Variants in NFIB observed in about 807,000 individuals in gnomAD.
NFIB encodes the protein nuclear factor I B.
A neutral mutation model predicts 61.5 loss-of-function variants in NFIB; 11 were observed. The observed-to-expected ratio is 0.18, with a 90% CI of 0.11 to 0.30. NFIB has a LOEUF of 0.30. Ranked by LOEUF, NFIB falls within the 10% of genes least tolerant of loss-of-function variation. The probability of loss-of-function intolerance (pLI) is 1.00; values close to 1 mark genes in which losing one functional copy is unlikely to be tolerated. For synonymous variants in NFIB, 260 were observed against 216.5 expected (o/e 1.20, Z -1.76); for missense variants, 471 against 608.9 (o/e 0.77, Z 2.38).
chr9:14,381,379 C>T (rs1191359797), intron 1 of NFIB, among the ~76,000 whole-genome samples: 8 of 151,816 alleles, frequency 5.3e-5, no homozygotes, highest in African/African-American at 1.5e-4. Flanking sequence ...TTTGTAGAGA[C>T]GGGGTTTTAC....
At chr9:14,099,148 T>C (rs1249735311) in intron 10 of NFIB, among the ~76,000 whole-genome samples, 1 of 152,166 alleles carries the variant, frequency 6.6e-6, no homozygotes, top group Non-Finnish European at 1.5e-5. Flanking sequence ...CAACAATCAA[T>C]CAAAATAAAG....
chr9:14,230,973 G>C (rs1049684938), intron 2 of NFIB, among the ~76,000 whole-genome samples: 3 of 122,564 alleles, frequency 2.4e-5, no homozygotes, highest in African/African-American at 7.7e-5. Context: ...AAAGGCAAAG[G>C]GGGAGCGGAG....
At chr9:14,179,657 T>C in intron 3 of NFIB, 70 bp downstream of exon 3, 1 of 1,545,484 alleles carries the variant, frequency 6.5e-7, no homozygotes, top group Non-Finnish European at 8.9e-7. Flanking sequence ...TTATGGGGTG[T>C]TTATCTATAC....
the NFIB span, among the ~76,000 whole-genome samples, chr9:14,426,291 C>A: frequency 0.7 from 106,473 of 152,056 alleles, 37,694 homozygotes; most frequent in East Asian, 0.82. Flanking sequence ...CCACTGTGAG[C>A]TCTACAGGCC....
At chr9:14,193,434 G>A (rs549237959) in intron 2 of NFIB, among the ~76,000 whole-genome samples, 33 of 152,212 alleles carry the variant, frequency 2.2e-4, no homozygotes, top group African/African-American at 7.7e-4. Flanking sequence ...ACAGTCTCAT[G>A]GGGATAATCA....
intron 2 of NFIB, among the ~76,000 whole-genome samples, chr9:14,192,749 T>G (rs2048085009): frequency 1.3e-5 from 2 of 152,156 alleles, no homozygotes; most frequent in Admixed American, 6.5e-5. Flanking sequence ...TGTAGTAGAT[T>G]CCTACTGATG....
intron 2 of NFIB, among the ~76,000 whole-genome samples, chr9:14,198,988 T>C (rs2048737510): frequency 6.6e-6 from 1 of 152,144 alleles, no homozygotes; most frequent in Non-Finnish European, 1.5e-5. Flanking sequence ...CTGAACTCTA[T>C]CACACTTCAC....
chr9:14,354,870 G>A (rs1173480275), intron 1 of NFIB, among the ~76,000 whole-genome samples: 1 of 151,232 alleles, frequency 6.6e-6, no homozygotes, highest in East Asian at 1.9e-4. Flanking sequence ...TAGCTTTACA[G>A]ATGTGAAGGG....
chr9:14,334,237 T>C lies in NFIB; in HGVS notation c.109-26717A>G, dbSNP rs149404778. Among the ~76,000 whole-genome samples the C allele has an allele frequency of 3.5e-3, 532 of 152,302 alleles. 2 individuals are homozygous for C. The highest frequency in any genetic ancestry group is 0.012 in the African/African-American group (509 of 41,554). The stretch of plus-strand genomic sequence containing the variant: ...TTCTTTTGGGGTATAAGCCTATGAG[T>C]AGAATTTCTCAGTTATAAAGTATGC... On this transcript the variant is annotated intron_variant, in intron 1 of 8. Transcript: ENST00000380934.
chr9:14,296,300 G>A (rs1158413919), intron 2 of NFIB, among the ~76,000 whole-genome samples: 1 of 152,172 alleles, frequency 6.6e-6, no homozygotes, highest in African/African-American at 2.4e-5. Flanking sequence ...AGTGAAGTAG[G>A]CATTTTAATC....
chr9:14,438,621 T>C, the NFIB span, among the ~76,000 whole-genome samples: 1 of 152,112 alleles, frequency 6.6e-6, no homozygotes, highest in Admixed American at 6.5e-5. Context: ...TTTTTTTGCC[T>C]GAAGGCACCA....
chr9:14,191,411 A>C (rs940853151), intron 2 of NFIB, among the ~76,000 whole-genome samples: 15 of 152,168 alleles, frequency 9.9e-5, no homozygotes, highest in Admixed American at 6.5e-4. Flanking sequence ...CATGAAATCT[A>C]CTACTCATCA....
In NFIB at chr9:14,160,831, C is replaced by CAAAA. The variant is rs36063048; in HGVS notation, c.617-4942_617-4939dup. On this transcript the variant is annotated intron_variant, in intron 3 of 10. Coordinates refer to ENST00000380953, the MANE Select transcript of NFIB (RefSeq NM_001190737.2). ...AATTCTTGCTTTGTGAAGGAAATCT[C>CAAAA]AAAAAAAAAAAAAAAAAAAACAGAA... Among the ~76,000 whole-genome samples, 812 of 96,042 alleles carry CAAAA rather than the reference C, an allele frequency of 8.5e-3. 10 individuals are homozygous for CAAAA. The highest frequency in any genetic ancestry group is 0.013 in the Middle Eastern group (2 of 160). 63.0% of individuals were successfully genotyped at this position (96,042 alleles called of 152,430 possible).
At chr9:14,277,344 G>GAC (rs33999296) in intron 2 of NFIB, among the ~76,000 whole-genome samples, 126,798 of 149,316 alleles carry the variant, frequency 0.85, 53,993 homozygotes, top group Non-Finnish European at 0.89. Context: ...CGCACACACA[G>GAC]ACACACACAC....
At chr9:14,354,521 G>A (rs2061152731) in intron 1 of NFIB, among the ~76,000 whole-genome samples, 1 of 152,130 alleles carries the variant, frequency 6.6e-6, no homozygotes, top group Non-Finnish European at 1.5e-5. Context: ...CTACAAATAG[G>A]TACAAAGACC....
chr9:14,312,203 T>C (rs914108787), intron 1 of NFIB, among the ~76,000 whole-genome samples: 3 of 152,276 alleles, frequency 2.0e-5, no homozygotes, highest in African/African-American at 7.2e-5. Context: ...TATCATTGTT[T>C]TCATCTTCAT....
intron 2 of NFIB, among the ~76,000 whole-genome samples, chr9:14,229,375 A>G (rs1269920277): frequency 1.3e-5 from 2 of 152,206 alleles, no homozygotes; most frequent in Non-Finnish European, 2.9e-5. Context: ...GAATTATGCC[A>G]AATGGGAGAT....
chr9:14,185,255 C>T lies in NFIB; in HGVS notation c.563-5475G>A, dbSNP rs545708616. Reference sequence around the variant, plus strand: ...AAGAAGGTGACCTTAGGAACAATGCCGTGAAAAAACGACCTGATTTCCCAC... The same window carrying T: ...AAGAAGGTGACCTTAGGAACAATGCTGTGAAAAAACGACCTGATTTCCCAC... On this transcript the variant is annotated intron_variant, in intron 2 of 10. Coordinates refer to ENST00000380953, the MANE Select transcript of NFIB (RefSeq NM_001190737.2). Among the ~76,000 whole-genome samples, 6 of 152,158 alleles carry T rather than the reference C, an allele frequency of 3.9e-5. No homozygotes were observed. In the South Asian group the frequency reaches 1.0e-3, roughly 26 times the overall value.
At chr9:14,107,633 T>C (rs2036762275) in intron 10 of NFIB, among the ~76,000 whole-genome samples, 1 of 152,124 alleles carries the variant, frequency 6.6e-6, no homozygotes, top group South Asian at 2.1e-4. Flanking sequence ...GTTTAAGGAC[T>C]TGTCCAAGGT....
Sources: allele counts gnomAD v4.1 joint callset (sites outside exome capture counted in the v4.1 genomes callset), GRCh38; gene constraint gnomAD v4.1.1; transcripts MANE v1.5; gene names NCBI Gene and HGNC (gene_info 2026-07-23, HGNC 2026-07-21).